The following ELMO1 variants were observed in gnomAD, a reference collection of about 807,000 sequenced individuals.
ELMO1 encodes the protein engulfment and cell motility 1.
ELMO1 carries 26 observed loss-of-function variants against 98.9 expected under a neutral mutation model. That is an observed-to-expected ratio of 0.26 (90% confidence interval 0.19 to 0.36). ELMO1 has a LOEUF of 0.36. Among genes scored for constraint, ELMO1 ranks in the 10% least tolerant of loss-of-function variants. ELMO1 has a pLI of 1.00. For synonymous variants in ELMO1, 346 were observed against 346.0 expected, an observed-to-expected ratio of 1.00 and a Z score of 0.00; for missense variants, 627 against 935.2, an observed-to-expected ratio of 0.67 and a Z score of 4.30.
At chr7:36,988,049 C>T (rs762493491) in intron 16 of ELMO1, among the ~76,000 whole-genome samples, 31 of 152,228 alleles carry the variant, frequency 2.0e-4, no homozygotes, top group African/African-American at 6.5e-4. Context: ...GGAGCCACGA[C>T]GCCTGGCCGC....
At chr7:37,434,991 G>A (rs971516730) in intron 1 of ELMO1, 1 of 152,168 alleles carries the variant, frequency 6.6e-6, no homozygotes, top group African/African-American at 2.4e-5. Flanking sequence ...CCCAGCCCAT[G>A]AAATCAACAG....
chr7:37,174,607 G>A (rs185362865), intron 13 of ELMO1, among the ~76,000 whole-genome samples: 28 of 152,224 alleles, frequency 1.8e-4, no homozygotes, highest in Admixed American at 1.6e-3. Context: ...GAGCTTAAGT[G>A]TCACTCCTGG....
intron 17 of ELMO1, among the ~76,000 whole-genome samples, chr7:36,893,853 G>A (rs113301955): frequency 2.2e-3 from 332 of 152,270 alleles, no homozygotes; most frequent in African/African-American, 7.8e-3. Context: ...ATAGCAAGAA[G>A]GGTGCATTAC....
At chr7:37,041,715 G>T (rs895290749) in intron 15 of ELMO1, among the ~76,000 whole-genome samples, 1 of 152,170 alleles carries the variant, frequency 6.6e-6, no homozygotes, top group Non-Finnish European at 1.5e-5. Context: ...TGAGGATCAA[G>T]CTGTGCTCGG....
At chr7:37,372,599 T>C (rs1019534024) in intron 1 of ELMO1, among the ~76,000 whole-genome samples, 5 of 152,216 alleles carry the variant, frequency 3.3e-5, no homozygotes, top group African/African-American at 9.7e-5. Flanking sequence ...TAATAATGAG[T>C]GCTTTTTATA....
At chr7:37,234,976 G>A (rs1303100181) in intron 7 of ELMO1, among the ~76,000 whole-genome samples, 2 of 152,216 alleles carry the variant, frequency 1.3e-5, no homozygotes, top group African/African-American at 4.8e-5. Context: ...TAGAAAAGCA[G>A]CTAATATCTC....
chr7:36,919,069 T>C (rs1223771053), intron 16 of ELMO1, among the ~76,000 whole-genome samples: 1 of 152,210 alleles, frequency 6.6e-6, no homozygotes, highest in South Asian at 2.1e-4. Context: ...AGCTAACTTA[T>C]AGGAATTTAG....
At chr7:37,198,463 C>T (rs868184975) in intron 13 of ELMO1, among the ~76,000 whole-genome samples, 25 of 152,350 alleles carry the variant, frequency 1.6e-4, no homozygotes, top group African/African-American at 5.3e-4. Flanking sequence ...ATGTCCATAA[C>T]AAGCCTGGGT....
chr7:37,125,643 A>G (rs934395394), intron 14 of ELMO1, among the ~76,000 whole-genome samples: 2 of 152,206 alleles, frequency 1.3e-5, no homozygotes, highest in Non-Finnish European at 2.9e-5. Context: ...AAAGTCAGGA[A>G]ACAACAAGTG....
intron 1 of ELMO1, among the ~76,000 whole-genome samples, chr7:37,389,922 C>T (rs1275405237): frequency 1.3e-5 from 2 of 152,082 alleles, no homozygotes; most frequent in Non-Finnish European, 2.9e-5. Flanking sequence ...ACGCTTCCCA[C>T]AGTCTCTCCC....
At chr7:37,302,542 C>T (rs573500734) in intron 4 of ELMO1, among the ~76,000 whole-genome samples, 2 of 152,192 alleles carry the variant, frequency 1.3e-5, no homozygotes, top group East Asian at 3.9e-4. Context: ...AGTTTACCAT[C>T]CCAACTGAGC....
intron 6 of ELMO1, among the ~76,000 whole-genome samples, chr7:37,244,895 T>TAA (rs1794920356): frequency 6.6e-6 from 1 of 152,208 alleles, no homozygotes. Flanking sequence ...GACATTGCAC[T>TAA]AGTGTTAAAT....
chr7:37,014,837 G>C (rs886813799), intron 15 of ELMO1, among the ~76,000 whole-genome samples: 3 of 152,078 alleles, frequency 2.0e-5, no homozygotes, highest in African/African-American at 7.2e-5. Flanking sequence ...GTGGGAGCAG[G>C]CTTATAGCAG....
At chr7:37,433,676 G>A (rs1301623317) in intron 1 of ELMO1, among the ~76,000 whole-genome samples, 1 of 152,134 alleles carries the variant, frequency 6.6e-6, no homozygotes, top group Non-Finnish European at 1.5e-5. Context: ...TGGCTTCTGA[G>A]CAGTACTTGA....
intron 1 of ELMO1, among the ~76,000 whole-genome samples, chr7:37,355,252 C>G (rs1461116400): frequency 6.6e-6 from 1 of 152,160 alleles, no homozygotes; most frequent in Non-Finnish European, 1.5e-5. Context: ...ATCTGTGAAA[C>G]TGGAATGACA....
At chr7:37,041,279 A>T (rs1795494716) in intron 15 of ELMO1, among the ~76,000 whole-genome samples, 2 of 152,194 alleles carry the variant, frequency 1.3e-5, no homozygotes, top group African/African-American at 4.8e-5. Flanking sequence ...TAACACAAAG[A>T]TTAATGTGAT....
chr7:37,230,731 T>A (rs551589895), intron 8 of ELMO1, among the ~76,000 whole-genome samples: 3 of 152,320 alleles, frequency 2.0e-5, no homozygotes, highest in Non-Finnish European at 4.4e-5. Flanking sequence ...AAAGAAAGCC[T>A]GCTGTAAATT....
intron 4 of ELMO1, among the ~76,000 whole-genome samples, chr7:37,293,344 A>C (rs1382351798): frequency 8.7e-6 from 1 of 115,020 alleles, no homozygotes; most frequent in African/African-American, 2.8e-5. Context: ...AGAGGTAGAC[A>C]TGGGAGACTT....
At chr7:36,926,373 C>G (rs1785573413) in intron 16 of ELMO1, among the ~76,000 whole-genome samples, 1 of 152,220 alleles carries the variant, frequency 6.6e-6, no homozygotes, top group African/African-American at 2.4e-5. Flanking sequence ...TCCCATCCCT[C>G]TGAAGAATTT....
Sources: gnomAD v4.1 joint callset for allele counts (sites outside exome capture counted in the v4.1 genomes callset) on GRCh38, gnomAD v4.1.1 for gene constraint, MANE v1.5 for transcripts, NCBI Gene and HGNC (gene_info 2026-07-23, HGNC 2026-07-21) for gene names.